The following COBLL1 variants were observed in gnomAD, a reference collection of about 807,000 sequenced individuals.
COBLL1 encodes the protein cordon-bleu WH2 repeat protein like 1, also known as cordon-bleu protein-like 1.
In COBLL1, 50 loss-of-function variants were observed where a neutral mutation model predicts 94.8. That is an observed-to-expected ratio of 0.53 (90% CI 0.42 to 0.67). COBLL1 has a LOEUF of 0.67. Ranked by LOEUF, COBLL1 falls within the 30% of genes least tolerant of loss-of-function variation. The pLI, the probability that COBLL1 is intolerant of heterozygous loss-of-function variation, is 0.00. For synonymous variants in COBLL1, 448 were observed against 473.8 expected (o/e 0.95, Z 0.71); for missense variants, 1,362 against 1,348.7 (o/e 1.01, Z -0.15).
intron 2 of COBLL1, among the ~76,000 whole-genome samples, chr2:164,768,406 A>C (rs994779917): frequency 1.4e-5 from 2 of 146,912 alleles, no homozygotes; most frequent in African/African-American, 5.2e-5. Context: ...CTTTCTTAAA[A>C]CATTATGAGA....
intron 2 of COBLL1, among the ~76,000 whole-genome samples, chr2:164,832,533 A>C (rs919451212): frequency 6.6e-6 from 1 of 152,208 alleles, no homozygotes; most frequent in African/African-American, 2.4e-5. Context: ...AAACTACTAT[A>C]TAACTCAGCT....
intron 11 of COBLL1, chr2:164,696,164 T>G (rs975398157): frequency 1.1e-5 from 2 of 187,814 alleles, no homozygotes; most frequent in Non-Finnish European, 1.1e-5. Flanking sequence ...ATTAGTATAT[T>G]GACCAGAATA....
intron 2 of COBLL1, among the ~76,000 whole-genome samples, chr2:164,807,541 TTTG>T (rs1439120217): frequency 6.6e-6 from 1 of 152,116 alleles, no homozygotes; most frequent in Non-Finnish European, 1.5e-5. Flanking sequence ...ATATATTTGT[TTTG>T]TTGTTTTAGT....
At chr2:164,711,966 G>T (rs1469827890) in intron 7 of COBLL1, among the ~76,000 whole-genome samples, 1 of 152,120 alleles carries the variant, frequency 6.6e-6, no homozygotes, top group Non-Finnish European at 1.5e-5. Flanking sequence ...TTTATGGTCT[G>T]TAAAAAGGAA....
chr2:164,777,842 C>G (rs1448281191), intron 2 of COBLL1, among the ~76,000 whole-genome samples: 1 of 152,148 alleles, frequency 6.6e-6, no homozygotes, highest in Non-Finnish European at 1.5e-5. Flanking sequence ...AATTAATACT[C>G]TGGGAAACAA....
chr2:164,775,842 C>T (rs1688437109), intron 2 of COBLL1, among the ~76,000 whole-genome samples: 1 of 152,076 alleles, frequency 6.6e-6, no homozygotes, highest in Admixed American at 6.6e-5. Context: ...AAGGGATCAC[C>T]CTACTTGGGG....
chr2:164,760,417 G>C (rs1235333114), intron 2 of COBLL1, among the ~76,000 whole-genome samples: 2 of 152,190 alleles, frequency 1.3e-5, no homozygotes, highest in Non-Finnish European at 2.9e-5. Context: ...GGGTTAACAT[G>C]AGGGAGTTTC....
chr2:164,716,658 T>C (rs1232922970), intron 7 of COBLL1, among the ~76,000 whole-genome samples: 1 of 152,210 alleles, frequency 6.6e-6, no homozygotes, highest in Non-Finnish European at 1.5e-5. Flanking sequence ...GGTTAAATCA[T>C]TTGCTAACTT....
rs368932917 is a variant in COBLL1 at position 164,694,385 on chromosome 2, G to T, written c.3007C>A (p.Arg1003Ser). ...GCACTGGCACTAGGTGACTCGGTGC[G>T]CTCTTTACTGAAAGACTGTGACCTT... The part of the protein sequence containing the change: ...VKRSQSFSKE[R>S]TESPSASALV... Residue 1003 changes from arginine (R) to serine (S), a missense_variant, in exon 12 of 14, where the codon CGC (arginine) becomes AGC (serine). Coordinates refer to ENST00000652658, the MANE Select transcript of COBLL1 (RefSeq NM_001365672.2). The T allele has an allele frequency of 6.2e-7, 1 of 1,613,830 alleles. No homozygotes were observed. The highest frequency in any genetic ancestry group is 8.5e-7 in the Non-Finnish European group (1 of 1,179,926).
chr2:164,736,833 A>G (rs1251973511), intron 3 of COBLL1, among the ~76,000 whole-genome samples: 2 of 152,246 alleles, frequency 1.3e-5, no homozygotes, highest in Admixed American at 1.3e-4. Flanking sequence ...GTGCACATAT[A>G]GATGGGTGTA....
chr2:164,705,532 T>C (rs901390224), intron 7 of COBLL1, among the ~76,000 whole-genome samples: 33 of 152,154 alleles, frequency 2.2e-4, no homozygotes, highest in Non-Finnish European at 8.8e-5. Flanking sequence ...CAAAAATCTA[T>C]ATGTCTACCT....
At chr2:164,742,215 C>T (rs925562115) in intron 3 of COBLL1, among the ~76,000 whole-genome samples, 1 of 151,822 alleles carries the variant, frequency 6.6e-6, no homozygotes, top group Non-Finnish European at 1.5e-5. Flanking sequence ...CCCAGAGGTG[C>T]AATGATAGCA....
Position 164,774,090 on chromosome 2 carries a change from G to A in COBLL1, c.42-30215C>T, listed in dbSNP as rs185007975. ...AAATCTTTAATTATCTTAATTCATC[G>A]TTTGATCTGATTGCTAAGAAGCACA... is the stretch of plus-strand genomic sequence containing the variant. On this transcript the variant is annotated intron_variant, in intron 2 of 13. Transcript: ENST00000652658. 4.1e-3 allele frequency among the ~76,000 whole-genome samples: 626 copies of A among 152,096 alleles called. 2 individuals are homozygous for A. The highest frequency in any genetic ancestry group is 0.015 in the African/African-American group (602 of 41,486).
chr2:164,675,898 A>C (rs1558905643), downstream of COBLL1, among the ~76,000 whole-genome samples: 2 of 152,196 alleles, frequency 1.3e-5, no homozygotes, highest in Non-Finnish European at 2.9e-5. Context: ...TGCTGTGGTT[A>C]TATGGTGAAC....
intron 2 of COBLL1, among the ~76,000 whole-genome samples, chr2:164,752,196 T>C (rs2105588711): frequency 6.6e-6 from 1 of 152,278 alleles, no homozygotes; most frequent in East Asian, 1.9e-4. Flanking sequence ...AGAAAATGTT[T>C]TTTACCTGCA....
At chr2:164,675,793 TAGG>T (rs368643345), downstream of COBLL1, among the ~76,000 whole-genome samples, 22 of 152,226 alleles carry the variant, frequency 1.4e-4, no homozygotes, top group South Asian at 4.6e-3. Flanking sequence ...TTCTTTATGG[TAGG>T]AGAATAGAAA....
Position 164,730,018 on chromosome 2 carries a change from T to C in COBLL1, c.328A>G (p.Ile110Val), listed in dbSNP as rs1165670639. 6.2e-7 allele frequency: 1 copy of C among 1,614,094 alleles called. No individual in the cohort carries two copies. Among genetic ancestry groups the C allele is most frequent in the South Asian group, 1.1e-5 (1 of 91,084 alleles). The change falls in exon 4 of 14, where the codon ATT becomes GTT. Residue 110 changes from isoleucine to valine, a missense_variant. Ile to Val is a conservative substitution (Grantham distance 29). Coordinates refer to ENST00000652658, the MANE Select transcript of COBLL1 (RefSeq NM_001365672.2). ...ATTGGTGTGTTTGGCTTAAATTTAA[T>C]GTGGTTCTGTTCAGCTGACAACAGA... ...IDLLSAEQNH[I>V]KFKPNTPIGM...
In COBLL1 at chr2:164,841,321, C is replaced by G. The variant is rs1442530391; in HGVS notation, c.-50-75G>C. 1.6e-5 allele frequency: 19 copies of G among 1,209,120 alleles called. No individual in the cohort carries two copies. The African/African-American group carries it at 3.0e-4, about 19-fold the overall frequency. 74.9% of individuals were successfully genotyped at this position (1,209,120 alleles called of 1,614,324 possible). On this transcript the variant is annotated intron_variant, in intron 1 of 13. Transcript: ENST00000652658. This position sits in a 1 kb window ranked among gnomAD's most constrained non-coding sequence, Gnocchi z 5.5. The stretch of plus-strand genomic sequence containing the variant: ...GGCCGGAGCGAAGCTGGCTGAGCGT[C>G]AAGAGCCCGCCCGAGCCGCTCCAGC...
intron 2 of COBLL1, among the ~76,000 whole-genome samples, chr2:164,781,375 C>T (rs1688717022): frequency 6.6e-6 from 1 of 152,108 alleles, no homozygotes; most frequent in African/African-American, 2.4e-5. Flanking sequence ...AATAAAATTG[C>T]TACTAACAAG....
Sources: gnomAD v4.1 joint callset for allele counts (sites outside exome capture counted in the v4.1 genomes callset) on GRCh38, gnomAD v4.1.1 for gene constraint, Gnocchi (gnomAD v3.1) non-coding constraint, MANE v1.5 for transcripts, NCBI Gene and HGNC (gene_info 2026-07-23, HGNC 2026-07-21) for gene names.